GBE1: variants seen among roughly 807,000 people sequenced by gnomAD.
GBE1 encodes 1,4-alpha-glucan branching enzyme 1.
In GBE1, 70 loss-of-function variants were observed where a neutral mutation model predicts 88.8. The observed-to-expected ratio is 0.79, with a 90% CI of 0.65 to 0.96. The LOEUF (loss-of-function observed/expected upper bound fraction) is 0.96, where lower values mean the gene tolerates loss of function less well. GBE1 is among the 40% of genes least tolerant of loss of function. The pLI is 0.00. For synonymous variants in GBE1, 284 were observed against 300.1 expected (o/e 0.95, Z 0.56); for missense variants, 872 against 871.0 (o/e 1.00, Z -0.01).
chr3:81,655,682 A>G (rs1312172767), intron 3 of GBE1, among the ~76,000 whole-genome samples: 2 of 151,570 alleles, frequency 1.3e-5, no homozygotes, highest in African/African-American at 4.8e-5. Flanking sequence ...ACGCCCAGAT[A>G]CTTTCTGTAT....
chr3:81,727,902 A>C (rs1706134714), intron 1 of GBE1, among the ~76,000 whole-genome samples: 1 of 152,176 alleles, frequency 6.6e-6, no homozygotes, highest in Admixed American at 6.6e-5. Context: ...CTTTCTCTAA[A>C]ACTGACACCT....
chr3:81,646,713 C>A (rs2107066806), intron 5 of GBE1, among the ~76,000 whole-genome samples: 1 of 152,204 alleles, frequency 6.6e-6, no homozygotes, highest in South Asian at 2.1e-4. Context: ...TTCATTTTAA[C>A]AAGCAATAAA....
intron 1 of GBE1, among the ~76,000 whole-genome samples, chr3:81,705,954 C>G (rs892191193): frequency 6.6e-6 from 1 of 152,116 alleles, no homozygotes; most frequent in African/African-American, 2.4e-5. Context: ...CTCTACATCT[C>G]TCTCCTCTGA....
At chr3:81,643,909 G>A (rs189074028) in intron 6 of GBE1, among the ~76,000 whole-genome samples, 32 of 152,176 alleles carry the variant, frequency 2.1e-4, no homozygotes, top group African/African-American at 5.1e-4. Context: ...TGTCCTGATC[G>A]TGGCCTACTG....
At chr3:81,520,867 C>T (rs957153948) in intron 14 of GBE1, among the ~76,000 whole-genome samples, 2 of 151,140 alleles carry the variant, frequency 1.3e-5, no homozygotes, top group Non-Finnish European at 3.0e-5. Context: ...TGATTTTTTT[C>T]CTAGAATATG....
intron 14 of GBE1, among the ~76,000 whole-genome samples, chr3:81,500,423 T>TA (rs547923117): frequency 5.3e-5 from 8 of 152,150 alleles, no homozygotes; most frequent in East Asian, 1.9e-4. Context: ...TTGTGGAATT[T>TA]AAAAAAAACT....
chr3:81,599,325 CGTGTGT>C (rs144404903), intron 7 of GBE1, among the ~76,000 whole-genome samples: 1 of 150,744 alleles, frequency 6.6e-6, no homozygotes, highest in Non-Finnish European at 1.5e-5. Context: ...TGCTTGTGTG[CGTGTGT>C]GTGTGTGTAG....
intron 14 of GBE1, among the ~76,000 whole-genome samples, chr3:81,533,504 T>A (rs975250347): frequency 2.6e-5 from 4 of 152,068 alleles, no homozygotes; most frequent in Admixed American, 6.6e-5. Context: ...GGGAACCATC[T>A]CTCTTTGCCC....
chr3:81,734,073 AC>A (rs147277872), intron 1 of GBE1, among the ~76,000 whole-genome samples: 3 of 152,206 alleles, frequency 2.0e-5, no homozygotes, highest in Non-Finnish European at 4.4e-5. Context: ...GAAGGCAAAA[AC>A]TCTGGTTTAT....
At chr3:81,718,231 C>G (rs1019063235) in intron 1 of GBE1, among the ~76,000 whole-genome samples, 1 of 152,118 alleles carries the variant, frequency 6.6e-6, no homozygotes, top group Non-Finnish European at 1.5e-5. Context: ...CCACCCGCCT[C>G]AGCTTCCCAA....
At chr3:81,686,268 T>C (rs1705436861) in intron 2 of GBE1, among the ~76,000 whole-genome samples, 1 of 152,070 alleles carries the variant, frequency 6.6e-6, no homozygotes, top group Non-Finnish European at 1.5e-5. Context: ...AAACTAGAAG[T>C]AGTCATCTAC....
intron 7 of GBE1, among the ~76,000 whole-genome samples, chr3:81,602,174 T>C (rs556471548): frequency 8.2e-4 from 125 of 152,292 alleles, no homozygotes; most frequent in African/African-American, 2.7e-3. Flanking sequence ...ATAACACTCA[T>C]TCAAAGTTAT....
At chr3:81,586,369 T>C (rs1208347029) in intron 9 of GBE1, among the ~76,000 whole-genome samples, 179 bp from the exon 10 acceptor site, 2 of 152,238 alleles carry the variant, frequency 1.3e-5, no homozygotes, top group African/African-American at 4.8e-5. Context: ...TTTTGCTTAA[T>C]GTTTTCACTC....
chr3:81,720,348 ATGTG>A (rs773210727), intron 1 of GBE1, among the ~76,000 whole-genome samples: 17 of 142,796 alleles, frequency 1.2e-4, no homozygotes, highest in African/African-American at 4.3e-4. Flanking sequence ...GTGTATGTGT[ATGTG>A]TGTGTGTGTG....
chr3:81,490,114 C>A lies in GBE1; in HGVS notation c.*293G>T. 1 of 314,336 alleles carries A rather than the reference C, an allele frequency of 3.2e-6. No homozygotes were observed. The highest frequency in any genetic ancestry group is 5.8e-6 in the Non-Finnish European group (1 of 172,866). 19.5% of individuals were successfully genotyped at this position (314,336 alleles called of 1,614,324 possible). ...GAATTTAAAAGGATCAAATAATTAGCCAGGAAAGCAAAATGTTTTTAACAT... is the reference window on the plus strand; with the variant it reads ...GAATTTAAAAGGATCAAATAATTAGACAGGAAAGCAAAATGTTTTTAACAT... On this transcript the variant is annotated 3_prime_UTR_variant, in exon 16 of 16. Transcript: ENST00000429644.
chr3:81,554,869 G>C (rs1703325165), intron 12 of GBE1, among the ~76,000 whole-genome samples: 1 of 152,146 alleles, frequency 6.6e-6, no homozygotes, highest in Non-Finnish European at 1.5e-5. Flanking sequence ...TCCCCAAGTA[G>C]AGAGACGTAA....
intron 7 of GBE1, among the ~76,000 whole-genome samples, chr3:81,607,281 T>C (rs948659705): frequency 6.6e-6 from 1 of 152,332 alleles, no homozygotes; most frequent in African/African-American, 2.4e-5. Context: ...CCAGGAGTGG[T>C]GGCTCACACC....
chr3:81,695,596 T>C (rs970431784), intron 2 of GBE1, among the ~76,000 whole-genome samples: 1 of 152,208 alleles, frequency 6.6e-6, no homozygotes, highest in Non-Finnish European at 1.5e-5. Flanking sequence ...CATAAAAATA[T>C]AGTAAAAACC....
intron 1 of GBE1, among the ~76,000 whole-genome samples, chr3:81,740,682 T>C (rs1294668671): frequency 6.6e-6 from 1 of 151,928 alleles, no homozygotes; most frequent in Non-Finnish European, 1.5e-5. Context: ...CTGCTAAGAA[T>C]AGTGCCTCCG....
Sources: gnomAD v4.1 joint callset for allele counts (sites outside exome capture counted in the v4.1 genomes callset) on GRCh38, gnomAD v4.1.1 for gene constraint, MANE v1.5 for transcripts, NCBI Gene and HGNC (gene_info 2026-07-23, HGNC 2026-07-21) for gene names.